The following GIGYF2 variants were observed in gnomAD, a reference collection of about 807,000 sequenced individuals.
GIGYF2 encodes GRB10 interacting GYF protein 2, also known as GRB10-interacting GYF protein 2.
A neutral mutation model predicts 208.1 loss-of-function variants in GIGYF2; 25 were observed. That is an observed-to-expected ratio of 0.12 (90% CI 0.09 to 0.17). The LOEUF is 0.17. Among genes scored for constraint, GIGYF2 ranks in the 10% least tolerant of loss-of-function variants. GIGYF2 has a pLI of 1.00. For missense variants in GIGYF2, 1,302 were observed against 1,579.4 expected, an observed-to-expected ratio of 0.82 and a Z score of 2.98; for synonymous variants, 534 against 543.8, an observed-to-expected ratio of 0.98 and a Z score of 0.25.
chr2:232,769,701 C>T (rs1699151160), intron 8 of GIGYF2, among the ~76,000 whole-genome samples: 1 of 152,038 alleles, frequency 6.6e-6, no homozygotes, highest in Non-Finnish European at 1.5e-5. Flanking sequence ...TTTTGTGCCA[C>T]AGATTTTGTT....
At chr2:232,784,878 ATCC>A (rs1699862100) in intron 8 of GIGYF2, among the ~76,000 whole-genome samples, 1 of 151,880 alleles carries the variant, frequency 6.6e-6, no homozygotes, top group Non-Finnish European at 1.5e-5. Context: ...ATGAGGGTGG[ATCC>A]CTCATCCCCT....
intron 7 of GIGYF2, among the ~76,000 whole-genome samples, chr2:232,761,161 T>A (rs1369774259): frequency 2.0e-5 from 3 of 152,156 alleles, no homozygotes; most frequent in Admixed American, 6.5e-5. Flanking sequence ...GTATCTAATT[T>A]AAAAAATAAT....
chr2:232,808,562 A>G (rs1231030465), intron 15 of GIGYF2, among the ~76,000 whole-genome samples: 1 of 152,156 alleles, frequency 6.6e-6, no homozygotes, highest in Non-Finnish European at 1.5e-5. Flanking sequence ...GGTAGTAGCT[A>G]TCCTCCAGTA....
rs908447567 is a variant in GIGYF2 at position 232,707,057 on chromosome 2, G to T, written c.-44+3568G>T. On this transcript the variant is annotated intron_variant, in intron 2 of 28. Coordinates refer to ENST00000373563, the MANE Select transcript of GIGYF2 (RefSeq NM_001103146.3). Reference sequence around the variant, plus strand: ...ATGATGTGGCAATGTTGATGGCATTGTAATTTTTCCTAAAATATTTTGGTT... The same window carrying T: ...ATGATGTGGCAATGTTGATGGCATTTTAATTTTTCCTAAAATATTTTGGTT... Among the ~76,000 whole-genome samples, 6 of 151,730 alleles carry T rather than the reference G, an allele frequency of 4.0e-5. No homozygotes were observed. The East Asian group carries it at 1.2e-3, about 29-fold the overall frequency.
intron 12 of GIGYF2, among the ~76,000 whole-genome samples, chr2:232,792,157 C>T (rs1023985211): frequency 6.6e-6 from 1 of 152,150 alleles, no homozygotes; most frequent in Admixed American, 6.6e-5. Flanking sequence ...GTTCTACTTA[C>T]CAGCCTCAAA....
rs200995688 is a variant in GIGYF2 at position 232,787,035 on chromosome 2, C to T, written c.533-115C>T. 5.4e-6 allele frequency: 4 copies of T among 737,578 alleles called. No homozygotes were observed. In the Admixed American group the frequency reaches 8.5e-5, roughly 16 times the overall value. The allele number at this position is 737,578 out of a possible 1,614,324, so 45.7% of individuals were successfully genotyped here. On this transcript the variant is annotated intron_variant, in intron 8 of 28. Transcript: ENST00000373563. ...CCACTGTTATTTTAGTGATTTTTTT[C>T]TGAATATTGAAATGGACCCATTTGC...
At chr2:232,837,115 A>G (rs762156903) in intron 22 of GIGYF2, among the ~76,000 whole-genome samples, 3 of 152,184 alleles carry the variant, frequency 2.0e-5, no homozygotes, top group Admixed American at 6.5e-5. Flanking sequence ...TCAAGTTTCC[A>G]TCCTATGAGT....
intron 22 of GIGYF2, among the ~76,000 whole-genome samples, chr2:232,836,565 C>CAAAA (rs554171454): frequency 1.8e-5 from 1 of 55,864 alleles, no homozygotes; most frequent in Admixed American, 2.1e-4. Context: ...GACCCTGTCT[C>CAAAA]AAAAAAAAAA....
At chr2:232,824,736 T>A (rs911290391) in intron 21 of GIGYF2, among the ~76,000 whole-genome samples, 1 of 152,196 alleles carries the variant, frequency 6.6e-6, no homozygotes, top group African/African-American at 2.4e-5. Context: ...AAACAACATA[T>A]TTTCAGTATA....
chr2:232,704,331 T>TCA lies in GIGYF2; in HGVS notation c.-44+842_-44+843insCA, dbSNP rs1695988182. ...GTTCTAAAGAGTTAACGTACATGCCTATCTATCTTTTGGTGAACGAGGCCA... is the reference window on the plus strand; with the variant it reads ...GTTCTAAAGAGTTAACGTACATGCCTCAATCTATCTTTTGGTGAACGAGGCCA... On this transcript the variant is annotated intron_variant, in intron 2 of 28. Transcript: ENST00000373563. 5.3e-5 allele frequency among the ~76,000 whole-genome samples: 8 copies of TCA among 152,312 alleles called. No individual in the cohort carries two copies. In the South Asian group the frequency reaches 1.7e-3, roughly 32 times the overall value.
At chr2:232,827,551 T>C (rs920598037) in intron 21 of GIGYF2, among the ~76,000 whole-genome samples, 30 of 152,260 alleles carry the variant, frequency 2.0e-4, no homozygotes, top group African/African-American at 7.0e-4. Context: ...TTCATTGTTA[T>C]TCTTTTTATG....
rs1345559473 is a variant in GIGYF2, at chr2:232,832,954, G to A, written c.2627G>A (p.Arg876Gln). The A allele has an allele frequency of 1.9e-6, 3 of 1,571,934 alleles. No homozygotes were observed. The highest frequency in any genetic ancestry group is 1.4e-5 in the African/African-American group (1 of 74,032). The change falls in exon 22 of 29, where the codon CGG becomes CAG. Residue 876 changes from arginine (R) to glutamine (Q), a missense_variant. Arg to Gln is a conservative substitution (Grantham distance 43). Coordinates refer to ENST00000373563, the MANE Select transcript of GIGYF2 (RefSeq NM_001103146.3). ...ATGGAAGAGGAGGCAGCCAGACTCC[G>A]GCATGAGGAAGAAGAACGGAAGAGA... ...LRMEEEAARLRHEEEERKRKE... is the reference protein window; with the variant it reads ...LRMEEEAARLQHEEEERKRKE...
intron 14 of GIGYF2, among the ~76,000 whole-genome samples, chr2:232,798,012 C>G (rs1018077040): frequency 3.5e-5 from 5 of 141,550 alleles, no homozygotes; most frequent in African/African-American, 1.3e-4. Context: ...AAAAAAGATT[C>G]AGAACATTTC....
chr2:232,807,086 C>T (rs1700583900), intron 15 of GIGYF2, among the ~76,000 whole-genome samples: 1 of 152,212 alleles, frequency 6.6e-6, no homozygotes, highest in African/African-American at 2.4e-5. Context: ...AATAAACATT[C>T]CCCTCTCTTC....
At chr2:232,761,570 G>A in intron 8 of GIGYF2, 134 bp downstream of exon 8, 1 of 632,990 alleles carries the variant, frequency 1.6e-6, no homozygotes, top group Non-Finnish European at 2.9e-6. Context: ...TCTACTGCAT[G>A]AAACCAGAGA....
chr2:232,739,361 A>ACC lies in GIGYF2; in HGVS notation c.41+4135_41+4136dup, dbSNP rs35983968. ...CAACAAGCCTGGGCAACAAAAGCAA[A>ACC]CCCCCCCCCCCCCGCAAAAAAAAAG... is the stretch of plus-strand genomic sequence containing the variant. On this transcript the variant is annotated intron_variant, in intron 3 of 28. Transcript: ENST00000373563. Among the ~76,000 whole-genome samples the ACC allele has an allele frequency of 4.4e-3, 334 of 75,536 alleles. 19 individuals carry two copies. The highest frequency in any genetic ancestry group is 7.2e-3 in the Middle Eastern group (1 of 138). The allele number at this position is 75,536 out of a possible 152,430, so 49.6% of individuals were successfully genotyped here.
At chr2:232,833,327 C>A (rs1701482866) in intron 22 of GIGYF2, among the ~76,000 whole-genome samples, 1 of 152,038 alleles carries the variant, frequency 6.6e-6, no homozygotes. Flanking sequence ...CTCATATGAT[C>A]CTCCCACCTC....
chr2:232,710,102 G>GCA (rs1559374463), intron 2 of GIGYF2, among the ~76,000 whole-genome samples: 8 of 151,514 alleles, frequency 5.3e-5, no homozygotes, highest in Non-Finnish European at 1.0e-4. Flanking sequence ...TGGGACTACA[G>GCA]GCACCCGCCA....
chr2:232,698,266 A>G (rs1222352528), intron 1 of GIGYF2: 1 of 152,180 alleles, frequency 6.6e-6, no homozygotes, highest in Non-Finnish European at 1.5e-5. Context: ...GTTTTCCTGC[A>G]AGTCAAAGCA....
Sources: gnomAD v4.1 joint callset for allele counts (sites outside exome capture counted in the v4.1 genomes callset) on GRCh38, gnomAD v4.1.1 for gene constraint, MANE v1.5 for transcripts, NCBI Gene and HGNC (gene_info 2026-07-23, HGNC 2026-07-21) for gene names.